Variants in KRT31 observed in about 807,000 individuals in gnomAD.
KRT31 encodes the protein keratin 31.
KRT31 carries 27 observed loss-of-function variants against 40.8 expected under a neutral mutation model. The ratio of observed to expected loss-of-function variants is 0.66; its 90% CI spans 0.49 to 0.91. KRT31 has a LOEUF of 0.91. KRT31 is among the 40% of genes least tolerant of loss of function. KRT31 has a pLI of 0.00. For synonymous variants in KRT31, 231 were observed against 231.9 expected, an observed-to-expected ratio of 1.00 and a Z score of 0.03; for missense variants, 510 against 544.1, an observed-to-expected ratio of 0.94 and a Z score of 0.62.
In KRT31 at chr17:41,396,489, C is replaced by T; in HGVS notation, c.519G>A (p.Lys173=). 3.1e-6 allele frequency: 5 copies of T among 1,614,226 alleles called. No homozygotes were observed. The highest frequency in any genetic ancestry group is 4.2e-6 in the Non-Finnish European group (5 of 1,180,034). Residue 173 remains lysine (K), a synonymous_variant, in exon 3 of 7, where the codon AAG becomes AAA. Transcript: ENST00000251645. ...RRILDELTLC[K]SDLEAQVESL... ...ACTCCACCTGGGCCTCCAGGTCGGA[C>T]TTGCACAGGGTCAGCTCATCCAGGA...
chr17:41,396,560 A>T lies in KRT31; in HGVS notation c.448T>A (p.Ser150Thr). ...TCCGACTCCACCAGCTGCCGCAGGG[A>T]CAGCTCGGTCTGGTACCTGCGCAAG... ...DFRTKYQTEL[S>T]LRQLVESDIN... The change falls in exon 3 of 7, where the codon TCC becomes ACC. Residue 150 changes from serine (S) to threonine (T), a missense_variant. Transcript: ENST00000251645. 1 of 1,614,074 alleles carries T rather than the reference A, an allele frequency of 6.2e-7. No individual in the cohort carries two copies. Among genetic ancestry groups the T allele is most frequent in the South Asian group, 1.1e-5 (1 of 91,068 alleles).
intron 2 of KRT31, 102 bp from the exon 3 acceptor site, chr17:41,396,678 G>A (rs968500891): frequency 2.2e-6 from 3 of 1,354,898 alleles, no homozygotes; most frequent in South Asian, 2.8e-5. Context: ...TTTCTGTAAT[G>A]AATAGGCCCA....
Position 41,397,294 on chromosome 17 carries a change from C to T in KRT31, c.246G>A (p.Ala82=), listed in dbSNP as rs772935276. The T allele has an allele frequency of 1.9e-5, 31 of 1,614,076 alleles. No homozygotes were observed. The highest frequency in any genetic ancestry group is 2.2e-5 in the South Asian group (2 of 91,088). ...EKVRQLERDN[A]ELENLIRERS... is the part of the protein sequence containing the mutation. Reference sequence around the variant, plus strand: ...GCTCCCGGATGAGGTTCTCCAGCTCCGCGTTGTCCCGCTCCAGCTGACGCA... The same window carrying T: ...GCTCCCGGATGAGGTTCTCCAGCTCTGCGTTGTCCCGCTCCAGCTGACGCA... The change falls in exon 1 of 7, where the codon GCG becomes GCA. Residue 82 remains alanine (A), a synonymous_variant. Transcript: ENST00000251645.
chr17:41,394,127 C>T lies in KRT31; in HGVS notation c.1140G>A (p.Lys380=). Reference sequence around the variant, plus strand: ...GATTGGAGAGACAGGGTCCGATGGGCTTGCTGCACGCGTTGGTCGTGGCAC... The same window carrying T: ...GATTGGAGAGACAGGGTCCGATGGGTTTGCTGCACGCGTTGGTCGTGGCAC... ...NPCATTNACS[K]PIGPCLSNPC... is the part of the protein sequence containing the mutation. Residue 380 remains lysine (K), a synonymous_variant, in exon 7 of 7, where the codon AAG becomes AAA. Transcript: ENST00000251645. 2 of 1,612,446 alleles carry T rather than the reference C, an allele frequency of 1.2e-6. No individual in the cohort carries two copies. Among genetic ancestry groups the T allele is most frequent in the East Asian group, 2.2e-5 (1 of 44,788 alleles).
chr17:41,397,073 T>C (rs1313567794), intron 1 of KRT31, 78 bp from the exon 2 acceptor site: 39 of 1,581,972 alleles, frequency 2.5e-5, no homozygotes, highest in Non-Finnish European at 3.1e-5. Context: ...ACTTAAGCCA[T>C]TTTGAAATAA....
In KRT31 at chr17:41,396,966, C is replaced by T; in HGVS notation, c.378G>A (p.Arg126=). 1 of 1,614,098 alleles carries T rather than the reference C, an allele frequency of 6.2e-7. No homozygotes were observed. The highest frequency in any genetic ancestry group is 8.5e-7 in the Non-Finnish European group (1 of 1,179,964). Residue 126 remains arginine (R), a synonymous_variant, in exon 2 of 7, where the codon AGG becomes AGA. Coordinates refer to ENST00000251645, the MANE Select transcript of KRT31 (RefSeq NM_002277.3). ...TGGCGTTGTCGATCTGCACCACAAG[C>T]CTGGCATTCTCAGACTTGGTACACA... ...KILCTKSENA[R]LVVQIDNAKL...
At position 41,393,826 on chromosome 17, in the gene KRT31, G is replaced by T; in HGVS notation, c.*190C>A. On this transcript the variant is annotated 3_prime_UTR_variant, in exon 7 of 7. Coordinates refer to ENST00000251645, the MANE Select transcript of KRT31 (RefSeq NM_002277.3). ...TAGGAAGGAACAGACCCCCAGGAAG[G>T]AAAGGGTGAGCAGGACAGTCTGGAG... 1.7e-6 allele frequency: 1 copy of T among 579,376 alleles called. No homozygotes were observed. The allele number at this position is 579,376 out of a possible 1,614,324, so 35.9% of individuals were successfully genotyped here. A position where few individuals can be genotyped will look rare whatever the true frequency, so the allele number is the denominator to read the frequency against.
rs771702585 is a variant in KRT31, at chr17:41,397,356, A to G, written c.184T>C (p.Phe62Leu). The change falls in exon 1 of 7, where the codon TTC (phenylalanine) becomes CTC (leucine). Residue 62 changes from phenylalanine to leucine, a missense_variant. Physicochemically the swap from Phe to Leu is conservative, Grantham distance 22. Transcript: ENST00000251645. Reference protein sequence around the residue: ...FNGSEKETMQFLNDRLASYLE... With the variant: ...FNGSEKETMQLLNDRLASYLE... ...TAGCTGGCCAGGCGGTCGTTCAGGA[A>G]CTGCATAGTCTCCTTCTCGCTACCA... The G allele has an allele frequency of 6.8e-6, 11 of 1,613,596 alleles. No individual in the cohort carries two copies. The highest frequency in any genetic ancestry group is 8.5e-6 in the Non-Finnish European group (10 of 1,180,058).
In KRT31 at chr17:41,397,316, C is replaced by T. The variant is rs757431851; in HGVS notation, c.224G>A (p.Arg75His). The change falls in exon 1 of 7, where the codon CGT (arginine) becomes CAT (histidine). Residue 75 changes from arginine (R) to histidine (H), a missense_variant. Physicochemically the swap from Arg to His is conservative, Grantham distance 29 (BLOSUM62 0). Transcript: ENST00000251645. ...DRLASYLEKV[R>H]QLERDNAELE... ...CTCCGCGTTGTCCCGCTCCAGCTGA[C>T]GCACTTTCTCCAGGTAGCTGGCCAG... is the stretch of plus-strand genomic sequence containing the variant. 7.4e-6 allele frequency: 12 copies of T among 1,614,034 alleles called. No individual in the cohort carries two copies. Among genetic ancestry groups the T allele is most frequent in the South Asian group, 4.4e-5 (4 of 91,080 alleles).
intron 2 of KRT31, 26 bp downstream of exon 2, chr17:41,396,887 A>C (rs759321355): frequency 6.4e-7 from 1 of 1,564,768 alleles, no homozygotes; most frequent in African/African-American, 1.4e-5. Flanking sequence ...AGCAATTGAC[A>C]CTAGTGCAAA....
chr17:41,395,249 T>C lies in KRT31; in HGVS notation c.872A>G (p.Asn291Ser). The C allele has an allele frequency of 6.2e-7, 1 of 1,612,650 alleles. No homozygotes were observed. The change falls in exon 5 of 7, where the codon AAC becomes AGC. Residue 291 changes from asparagine (N) to serine (S), a missense_variant. By Grantham distance (46) the Asn-to-Ser change is conservative. Coordinates refer to ENST00000251645, the MANE Select transcript of KRT31 (RefSeq NM_002277.3). ...ALEIELQAQH[N>S]LRDSLENTLT... The stretch of plus-strand genomic sequence containing the variant: ...GCAGGTCTGAACAATACACACCAGG[T>C]TGTGCTGGGCCTGCAGCTCGATCTC...
rs538647973 is a variant in KRT31, at chr17:41,396,945, G to A, written c.399C>T (p.Asn133=). The A allele has an allele frequency of 4.6e-5, 74 of 1,614,116 alleles. No homozygotes were observed. Among genetic ancestry groups the A allele is most frequent in the East Asian group, 2.0e-4 (9 of 44,882 alleles). ...TGAAATCATCCGCAGCCAGCTTGGC[G>A]TTGTCGATCTGCACCACAAGCCTGG... ...ENARLVVQID[N]AKLAADDFRT... is the part of the protein sequence containing the mutation. Residue 133 remains asparagine, a synonymous_variant, in exon 2 of 7, where the codon AAC becomes AAT. Transcript: ENST00000251645.
Position 41,395,232 on chromosome 17 carries a change from G to T in KRT31, c.876+13C>A. On this transcript the variant is annotated intron_variant, in intron 5 of 6. Transcript: ENST00000251645. ...GTTCCCGTCGCTCACCAGCAGGTCT[G>T]AACAATACACACCAGGTTGTGCTGG... 1 of 1,612,692 alleles carries T rather than the reference G, an allele frequency of 6.2e-7. No homozygotes were observed. The highest frequency in any genetic ancestry group is 1.7e-5 in the Admixed American group (1 of 60,026).
In KRT31 at chr17:41,395,067, C is replaced by T. The variant is rs1324373977; in HGVS notation, c.878G>A (p.Arg293Gln). ...EIELQAQHNL[R>Q]DSLENTLTES... Reference sequence around the variant, plus strand: ...TGTCAGCGTGTTTTCCAGAGAGTCTCGCTGTGGTGGAGAAGATTGGGAATG... The same window carrying T: ...TGTCAGCGTGTTTTCCAGAGAGTCTTGCTGTGGTGGAGAAGATTGGGAATG... Residue 293 changes from arginine to glutamine, a missense_variant and splice_region_variant, in exon 6 of 7, where the codon CGA becomes CAA. Physicochemically the swap from Arg to Gln is conservative, Grantham distance 43. Coordinates refer to ENST00000251645, the MANE Select transcript of KRT31 (RefSeq NM_002277.3). 21 of 1,614,074 alleles carry T rather than the reference C, an allele frequency of 1.3e-5. No individual in the cohort carries two copies. The highest frequency in any genetic ancestry group is 1.8e-5 in the Non-Finnish European group (21 of 1,180,024).
Position 41,396,949 on chromosome 17 carries a change from T to C in KRT31, c.395A>G (p.Asp132Gly). 6.2e-7 allele frequency: 1 copy of C among 1,614,190 alleles called. No homozygotes were observed. Among genetic ancestry groups the C allele is most frequent in the Non-Finnish European group, 8.5e-7 (1 of 1,180,028 alleles). The change falls in exon 2 of 7, where the codon GAC becomes GGC. Residue 132 changes from aspartate to glycine, a missense_variant. Transcript: ENST00000251645. ...SENARLVVQIDNAKLAADDFR... is the reference protein window; with the variant it reads ...SENARLVVQIGNAKLAADDFR... ...ATCATCCGCAGCCAGCTTGGCGTTGTCGATCTGCACCACAAGCCTGGCATT... is the reference window on the plus strand; with the variant it reads ...ATCATCCGCAGCCAGCTTGGCGTTGCCGATCTGCACCACAAGCCTGGCATT...
At position 41,394,238 on chromosome 17, in the gene KRT31, C is replaced by T; in HGVS notation, c.1098-69G>A. The T allele has an allele frequency of 2.6e-6, 4 of 1,560,728 alleles. No individual in the cohort carries two copies. In the Admixed American group the frequency reaches 5.4e-5, roughly 21 times the overall value. ...TTTAAAATCATATGCCAGAGATATCCCCAAGGGTAAGAATGCCTGGGTCAA... is the reference window on the plus strand; with the variant it reads ...TTTAAAATCATATGCCAGAGATATCTCCAAGGGTAAGAATGCCTGGGTCAA... On this transcript the variant is annotated intron_variant, in intron 6 of 6. Transcript: ENST00000251645.
chr17:41,396,358 A>T, intron 3 of KRT31, 62 bp downstream of exon 3: 1 of 1,540,964 alleles, frequency 6.5e-7, no homozygotes, highest in Non-Finnish European at 8.8e-7. Context: ...GCCCCAAATC[A>T]CTAAAGCAAC....
At position 41,395,280 on chromosome 17, in the gene KRT31, C is replaced by A. The variant is rs151023228; in HGVS notation, c.841G>T (p.Ala281Ser). 1,898 of 1,612,992 alleles carry A rather than the reference C, an allele frequency of 1.2e-3. 4 individuals are homozygous for A. The highest frequency in any genetic ancestry group is 2.6e-3 in the Middle Eastern group (13 of 5,058). Residue 281 changes from alanine (A) to serine (S), a missense_variant, in exon 5 of 7, where the codon GCC becomes TCC. Coordinates refer to ENST00000251645, the MANE Select transcript of KRT31 (RefSeq NM_002277.3). ...TGGGCCTGCAGCTCGATCTCCAGGG[C>A]GTTGACTGTGCGTCTCAGCTCGATG... Reference protein sequence around the residue: ...EIIELRRTVNALEIELQAQHN... With the variant: ...EIIELRRTVNSLEIELQAQHN...
rs1325452723 is a variant in KRT31 at position 41,396,979 on chromosome 17, G to T, written c.365C>A (p.Ser122Tyr). ...ELQQKILCTK[S>Y]ENARLVVQID... is the part of the protein sequence containing the mutation. ...CTGCACCACAAGCCTGGCATTCTCA[G>T]ACTTGGTACACAGGATCTGGGGAGT... Residue 122 changes from serine (S) to tyrosine (Y), a missense_variant, in exon 2 of 7, where the codon TCT becomes TAT. Physicochemically the swap from Ser to Tyr is moderately radical, Grantham distance 144. Transcript: ENST00000251645. The T allele has an allele frequency of 6.2e-7, 1 of 1,614,058 alleles. No homozygotes were observed. The highest frequency in any genetic ancestry group is 1.7e-5 in the Admixed American group (1 of 60,026).
Sources: gnomAD v4.1 joint callset for allele counts on GRCh38, gnomAD v4.1.1 for gene constraint, MANE v1.5 for transcripts, NCBI Gene and HGNC (gene_info 2026-07-23, HGNC 2026-07-21) for gene names.